The following SLC4A10 variants were observed in gnomAD, a reference collection of about 807,000 sequenced individuals.
SLC4A10 encodes solute carrier family 4 member 10.
SLC4A10 carries 42 observed loss-of-function variants against 137.7 expected under a neutral mutation model. The ratio of observed to expected loss-of-function variants is 0.30; its 90% CI spans 0.24 to 0.39. The LOEUF is 0.39. Ranked by LOEUF, SLC4A10 falls within the 10% of genes least tolerant of loss-of-function variation. The pLI, the probability that SLC4A10 is intolerant of heterozygous loss-of-function variation, is 1.00. For synonymous variants in SLC4A10, 474 were observed against 464.1 expected (o/e 1.02, Z -0.27); for missense variants, 925 against 1,355.0 (o/e 0.68, Z 4.98).
In SLC4A10 at chr2:161,965,047, T is replaced by G. The variant is rs1280408844; in HGVS notation, c.3037-4T>G. On this transcript the variant is annotated splice_polypyrimidine_tract_variant and splice_region_variant and intron_variant, in intron 22 of 26. Coordinates refer to ENST00000446997, the MANE Select transcript of SLC4A10 (RefSeq NM_001178015.2). ...ACTTTAAACTAGTTTATTATTTACT[T>G]CAGGTGTTAGCCCTGGTATTTGTAA... 6.2e-7 allele frequency: 1 copy of G among 1,610,240 alleles called. No individual in the cohort carries two copies.
chr2:161,641,804 A>T (rs2035359871), intron 1 of SLC4A10, among the ~76,000 whole-genome samples: 1 of 152,054 alleles, frequency 6.6e-6, no homozygotes, highest in Non-Finnish European at 1.5e-5. Flanking sequence ...CTAAATCTTT[A>T]TGAGGATAAT....
At position 161,879,253 on chromosome 2, in the gene SLC4A10, G is replaced by T. The variant is rs755730225; in HGVS notation, c.1071G>T (p.Leu357Phe). 7 of 1,612,744 alleles carry T rather than the reference G, an allele frequency of 4.3e-6. No individual in the cohort carries two copies. The highest frequency in any genetic ancestry group is 1.7e-4 in the Middle Eastern group (1 of 6,060). The change falls in exon 9 of 27, where the codon TTG becomes TTT. Residue 357 changes from leucine to phenylalanine, a missense_variant. By Grantham distance (22) the Leu-to-Phe change is conservative. Around this residue, in one of 11 missense-constraint regions of SLC4A10, gnomAD observed 277 missense variants for 306.1 expected, o/e 0.90. Coordinates refer to ENST00000446997, the MANE Select transcript of SLC4A10 (RefSeq NM_001178015.2). ...TTGTCAGGTTGTCTCCAGCTGTATT[G>T]CTTCAAGGACTGGCTGAAGTCCCAA... ...VAFVRLSPAV[L>F]LQGLAEVPIP...
At chr2:161,791,651 G>T (rs928976046) in intron 2 of SLC4A10, among the ~76,000 whole-genome samples, 3 of 152,054 alleles carry the variant, frequency 2.0e-5, no homozygotes, top group Admixed American at 6.6e-5. Flanking sequence ...ATTAAAAAAC[G>T]AAATTACTTT....
intron 1 of SLC4A10, among the ~76,000 whole-genome samples, chr2:161,661,436 T>C (rs1283254268): frequency 1.3e-5 from 2 of 152,190 alleles, no homozygotes; most frequent in Non-Finnish European, 2.9e-5. Flanking sequence ...ATTGCACCAC[T>C]GCACTCCAGC....
At chr2:161,903,939 G>T in intron 12 of SLC4A10, 65 bp from the exon 13 acceptor site, 1 of 1,465,756 alleles carries the variant, frequency 6.8e-7, no homozygotes, top group Non-Finnish European at 9.1e-7. Flanking sequence ...CAAAGCAAAT[G>T]AGCATTTTGA....
Position 161,985,082 on chromosome 2 carries a change from T to C in SLC4A10, c.*1930T>C, listed in dbSNP as rs1198704643. On this transcript the variant is annotated 3_prime_UTR_variant, in exon 27 of 27. Transcript: ENST00000446997. ...TAATATTTTGAAATCATATAAAATA[T>C]AATAAAAATGTAGTATTATATATTT... 6.6e-6 allele frequency: 1 copy of C among 152,026 alleles called. No individual in the cohort carries two copies. Among genetic ancestry groups the C allele is most frequent in the African/African-American group, 2.4e-5 (1 of 41,440 alleles). 9.4% of individuals were successfully genotyped at this position (152,026 alleles called of 1,614,324 possible).
At chr2:161,752,697 A>C (rs1024280751) in intron 1 of SLC4A10, among the ~76,000 whole-genome samples, 28 of 152,174 alleles carry the variant, frequency 1.8e-4, no homozygotes, top group African/African-American at 6.5e-4. Flanking sequence ...CATTATGTTA[A>C]GTGAACTAAG....
chr2:161,646,488 A>G (rs982166476), intron 1 of SLC4A10, among the ~76,000 whole-genome samples: 1 of 151,978 alleles, frequency 6.6e-6, no homozygotes, highest in Admixed American at 6.6e-5. Context: ...AATATTTTGA[A>G]GCTCTGAAGC....
chr2:161,773,198 A>T (rs1033852639), intron 2 of SLC4A10, among the ~76,000 whole-genome samples: 1 of 151,834 alleles, frequency 6.6e-6, no homozygotes, highest in Non-Finnish European at 1.5e-5. Flanking sequence ...ATGGTGGAGG[A>T]TGGAAGGATG....
chr2:161,905,375 G>T (rs888379212), intron 14 of SLC4A10, among the ~76,000 whole-genome samples: 3 of 152,092 alleles, frequency 2.0e-5, no homozygotes, highest in African/African-American at 7.2e-5. Context: ...AGAATCTAAC[G>T]TCCCCACTGA....
At chr2:161,882,975 T>C (rs2125979953) in intron 10 of SLC4A10, among the ~76,000 whole-genome samples, 1 of 152,258 alleles carries the variant, frequency 6.6e-6, no homozygotes, top group East Asian at 1.9e-4. Flanking sequence ...TAAATTTTTC[T>C]ATGTAAAAAA....
intron 1 of SLC4A10, among the ~76,000 whole-genome samples, chr2:161,748,438 G>C (rs1428423395): frequency 7.1e-6 from 1 of 141,252 alleles, no homozygotes; most frequent in East Asian, 2.0e-4. Flanking sequence ...TTTTGAGTTT[G>C]TGTGTGTGTG....
rs556911181 is a variant in SLC4A10 at position 161,865,937 on chromosome 2, A to G, written c.766+2875A>G. On this transcript the variant is annotated intron_variant, in intron 6 of 26. Transcript: ENST00000446997. The stretch of plus-strand genomic sequence containing the variant: ...ACTATTAATTTTTAAAAATCTCCTT[A>G]GTAAAATCCATTATGCAAAAAGATT... 4.6e-5 allele frequency among the ~76,000 whole-genome samples: 7 copies of G among 152,146 alleles called. No homozygotes were observed. In the South Asian group the frequency reaches 1.4e-3, roughly 32 times the overall value.
chr2:161,863,035 T>C lies in SLC4A10; in HGVS notation c.739T>C (p.Ser247Pro). The C allele has an allele frequency of 6.2e-7, 1 of 1,613,962 alleles. No individual in the cohort carries two copies. Among genetic ancestry groups the C allele is most frequent in the South Asian group, 1.1e-5 (1 of 91,078 alleles). ...RSFADIGKKQSEPNSMDKNAG... is the reference protein window; with the variant it reads ...RSFADIGKKQPEPNSMDKNAG... ...CTTTGCTGATATTGGCAAGAAACAG[T>C]CAGAACCAAATTCCATGGACAAAAA... The change falls in exon 6 of 27, where the codon TCA becomes CCA. Residue 247 changes from serine (S) to proline (P), a missense_variant. Ser to Pro is a moderately conservative substitution (Grantham distance 74). This residue lies in a region of SLC4A10 where 277 missense variants were observed against 306.1 expected (regional missense o/e 0.90). Coordinates refer to ENST00000446997, the MANE Select transcript of SLC4A10 (RefSeq NM_001178015.2).
intron 1 of SLC4A10, among the ~76,000 whole-genome samples, chr2:161,761,211 T>G (rs2050222390): frequency 6.6e-6 from 1 of 152,026 alleles, no homozygotes; most frequent in African/African-American, 2.4e-5. Context: ...TATATAGCAC[T>G]GGCTTTCTGA....
chr2:161,656,202 C>T (rs1424519566), intron 1 of SLC4A10, among the ~76,000 whole-genome samples: 1 of 152,034 alleles, frequency 6.6e-6, no homozygotes, highest in African/African-American at 2.4e-5. Flanking sequence ...ACGTGATATA[C>T]CACATTAACA....
At chr2:161,777,753 G>A (rs1394099110) in intron 2 of SLC4A10, among the ~76,000 whole-genome samples, 3 of 151,856 alleles carry the variant, frequency 2.0e-5, no homozygotes, top group Non-Finnish European at 4.4e-5. Context: ...TCTTCCACTG[G>A]GTTCCTTTCA....
intron 1 of SLC4A10, among the ~76,000 whole-genome samples, chr2:161,698,229 A>G (rs1246157388): frequency 6.6e-6 from 1 of 152,100 alleles, no homozygotes; most frequent in African/African-American, 2.4e-5. Flanking sequence ...GGGTTTTCTA[A>G]ATATACAATC....
chr2:161,854,326 A>C (rs2059983649), intron 4 of SLC4A10, among the ~76,000 whole-genome samples: 1 of 152,170 alleles, frequency 6.6e-6, no homozygotes, highest in Non-Finnish European at 1.5e-5. Flanking sequence ...CCAAGAAGAC[A>C]GTGGTCCCCC....
Sources: gnomAD v4.1 joint callset for allele counts (sites outside exome capture counted in the v4.1 genomes callset) on GRCh38, gnomAD v4.1.1 for gene constraint, gnomAD v4.1.1 regional missense constraint, MANE v1.5 for transcripts, NCBI Gene and HGNC (gene_info 2026-07-23, HGNC 2026-07-21) for gene names.